Variants in MYO16 observed in about 807,000 individuals in gnomAD.
The protein encoded by MYO16 is myosin XVI.
A neutral mutation model predicts 205.3 loss-of-function variants in MYO16; 94 were observed. The ratio of observed to expected loss-of-function variants is 0.46; its 90% CI spans 0.39 to 0.54. The LOEUF (loss-of-function observed/expected upper bound fraction) is 0.54. Among genes scored for constraint, MYO16 ranks in the 20% least tolerant of loss-of-function variants. The probability of loss-of-function intolerance (pLI) is 0.00; values close to 1 mark genes in which losing one functional copy is unlikely to be tolerated. For synonymous variants in MYO16, 988 were observed against 954.0 expected (o/e 1.04, Z -0.66); for missense variants, 2,315 against 2,387.5 (o/e 0.97, Z 0.63).
intron 32 of MYO16, among the ~76,000 whole-genome samples, chr13:109,160,942 G>A (rs1878351822): frequency 6.6e-6 from 1 of 152,216 alleles, no homozygotes; most frequent in African/African-American, 2.4e-5. Context: ...GACAAGGAAT[G>A]TTGTGTGCTA....
intron 27 of MYO16, among the ~76,000 whole-genome samples, chr13:109,096,308 C>T (rs537364499): frequency 3.3e-5 from 5 of 152,330 alleles, no homozygotes; most frequent in Admixed American, 2.0e-4. Flanking sequence ...GCCTGCATCA[C>T]GTGGCCCTCT....
chr13:109,158,343 A>G (rs919832733), intron 32 of MYO16, among the ~76,000 whole-genome samples: 3 of 152,090 alleles, frequency 2.0e-5, no homozygotes, highest in African/African-American at 7.2e-5. Flanking sequence ...GAGTTTTTGC[A>G]TTCTTCCTTA....
At chr13:109,154,775 G>A (rs960823716) in intron 32 of MYO16, among the ~76,000 whole-genome samples, 8 of 151,990 alleles carry the variant, frequency 5.3e-5, no homozygotes, top group African/African-American at 1.7e-4. Context: ...CTGGATTTAC[G>A]TTACCACCTG....
rs368775426 is a variant in MYO16, at chr13:108,962,730, AAAC to A, written c.2227+238_2227+240del. Among the ~76,000 whole-genome samples, 5 of 152,328 alleles carry A rather than the reference AAAC, an allele frequency of 3.3e-5. No homozygotes were observed. In the East Asian group the frequency reaches 9.6e-4, roughly 29 times the overall value. ...TTCTAGATAATCTGTCACCTTAGAAAAACAAAACCATCAATCCAAGAGGGTTTC... is the reference window on the plus strand; with the variant it reads ...TTCTAGATAATCTGTCACCTTAGAAAAAAACCATCAATCCAAGAGGGTTTC... On this transcript the variant is annotated intron_variant, in intron 19 of 34. Coordinates refer to ENST00000457511, the MANE Select transcript of MYO16 (RefSeq NM_001198950.3).
In MYO16 at chr13:108,992,380, C is replaced by T; in HGVS notation, c.2374C>T (p.Gln792Ter). Residue 792 changes from glutamine to a stop codon, truncating the protein, a stop_gained, in exon 21 of 35, where the codon CAG becomes TAG. Transcript: ENST00000457511. LOFTEE classifies it high-confidence loss of function. The part of the protein sequence containing the change: ...LHSQDEQKSM[Q>*]TLDIGILDIF... ...TGGTGTATTGTTTTGTTTCAGCATG[C>T]AGACATTGGATATTGGAATATTGGA... The T allele has an allele frequency of 6.2e-7, 1 of 1,607,504 alleles. No individual in the cohort carries two copies. The highest frequency in any genetic ancestry group is 8.5e-7 in the Non-Finnish European group (1 of 1,175,470).
rs113973592 is a variant in MYO16, at chr13:108,638,423, C to T, written c.28+8551C>T. The stretch of plus-strand genomic sequence containing the variant: ...AAACTTTTTAAAAAATTCATTGCTT[C>T]ATGCTCCTCAAATACCTTTCCACTC... On this transcript the variant is annotated intron_variant, in intron 1 of 34. Transcript: ENST00000457511. Among the ~76,000 whole-genome samples the T allele has an allele frequency of 8.9e-4, 136 of 152,326 alleles. 3 individuals carry two copies. The highest frequency in any genetic ancestry group is 3.1e-3 in the African/African-American group (130 of 41,580).
chr13:108,962,161 C>T (rs1025300908), intron 18 of MYO16, among the ~76,000 whole-genome samples: 3 of 152,126 alleles, frequency 2.0e-5, no homozygotes, highest in Non-Finnish European at 4.4e-5. Flanking sequence ...TGGAAAAAAA[C>T]AATTCCATAC....
At chr13:108,551,541 T>C in the MYO16 span, among the ~76,000 whole-genome samples, 4 of 152,194 alleles carry the variant, frequency 2.6e-5, no homozygotes, top group Non-Finnish European at 5.9e-5. Flanking sequence ...TGCAGTCCTA[T>C]CTTAACTGTC....
chr13:109,096,840 G>A (rs996559635), intron 27 of MYO16, among the ~76,000 whole-genome samples: 1 of 152,236 alleles, frequency 6.6e-6, no homozygotes, highest in African/African-American at 2.4e-5. Flanking sequence ...GCAGCTCTGA[G>A]GGAGGGTAGA....
chr13:109,014,330 T>C (rs1332426869), intron 22 of MYO16, among the ~76,000 whole-genome samples: 2 of 152,244 alleles, frequency 1.3e-5, no homozygotes, highest in Admixed American at 1.3e-4. Flanking sequence ...TCTATCTCTC[T>C]GTTTTGGTAC....
intron 6 of MYO16, among the ~76,000 whole-genome samples, chr13:108,805,797 G>A (rs1887094125): frequency 6.6e-6 from 1 of 151,674 alleles, no homozygotes; most frequent in Non-Finnish European, 1.5e-5. Flanking sequence ...AACTAATCTG[G>A]GGCTGGACAT....
At chr13:108,720,417 TTCTC>T (rs1206561128) in intron 3 of MYO16, among the ~76,000 whole-genome samples, 2 of 152,236 alleles carry the variant, frequency 1.3e-5, no homozygotes, top group Non-Finnish European at 2.9e-5. Context: ...GCTACTTTTC[TTCTC>T]TCTCTGTCAC....
chr13:108,808,741 A>T (rs945392225), intron 7 of MYO16, among the ~76,000 whole-genome samples: 1 of 152,232 alleles, frequency 6.6e-6, no homozygotes, highest in Non-Finnish European at 1.5e-5. Flanking sequence ...AATTAGTTTG[A>T]GTGATGAAAA....
chr13:108,924,443 C>G (rs7331652), intron 16 of MYO16, among the ~76,000 whole-genome samples: 1,982 of 152,230 alleles, frequency 0.013, 52 homozygotes, highest in African/African-American at 0.046. Context: ...ATAAGGTGCT[C>G]CAGGGAGCCA....
chr13:108,571,098 G>C, the MYO16 span, among the ~76,000 whole-genome samples: 2 of 152,002 alleles, frequency 1.3e-5, no homozygotes, highest in Non-Finnish European at 2.9e-5. Flanking sequence ...AGAAAAAAAA[G>C]ATAGCAGAAG....
At chr13:108,870,918 T>C (rs926547048) in intron 12 of MYO16, among the ~76,000 whole-genome samples, 1 of 152,130 alleles carries the variant, frequency 6.6e-6, no homozygotes, top group African/African-American at 2.4e-5. Context: ...TGCTATTTTA[T>C]AAATTCATTA....
the MYO16 span, among the ~76,000 whole-genome samples, chr13:108,531,843 A>G: frequency 1.1e-4 from 16 of 152,196 alleles, no homozygotes; most frequent in Non-Finnish European, 8.8e-5. Context: ...GAACCCCTAC[A>G]TTTAAAGATC....
At chr13:108,748,806 A>C (rs1180649801) in intron 4 of MYO16, among the ~76,000 whole-genome samples, 1 of 152,146 alleles carries the variant, frequency 6.6e-6, no homozygotes, top group East Asian at 1.9e-4. Context: ...CACATCTTAA[A>C]CCTTTCACAA....
chr13:108,822,355 G>T (rs901045686), intron 8 of MYO16, among the ~76,000 whole-genome samples: 1 of 152,062 alleles, frequency 6.6e-6, no homozygotes, highest in African/African-American at 2.4e-5. Context: ...GACCATCCCA[G>T]AAGGCCACAT....
Sources: gnomAD v4.1 joint callset for allele counts (sites outside exome capture counted in the v4.1 genomes callset) on GRCh38, gnomAD v4.1.1 for gene constraint, MANE v1.5 for transcripts, NCBI Gene and HGNC (gene_info 2026-07-23, HGNC 2026-07-21) for gene names.